The following ZNF536 variants were observed in gnomAD, a reference collection of about 807,000 sequenced individuals.
ZNF536 encodes zinc finger protein 536.
Under a neutral mutation model 84.5 loss-of-function variants are expected in ZNF536, and 13 were observed. The ratio of observed to expected loss-of-function variants is 0.15; its 90% confidence interval spans 0.10 to 0.24. The LOEUF (loss-of-function observed/expected upper bound fraction) is 0.24. ZNF536 is among the 10% of genes least tolerant of loss of function. ZNF536 has a pLI of 1.00. For missense variants in ZNF536, 1,536 were observed against 1,747.5 expected (o/e 0.88, Z 2.16); for synonymous variants, 811 against 742.5 (o/e 1.09, Z -1.50).
chr19:30,498,766 C>T (rs1700629472), intron 2 of ZNF536, among the ~76,000 whole-genome samples: 1 of 152,058 alleles, frequency 6.6e-6, no homozygotes, highest in African/African-American at 2.4e-5. Context: ...GAGGTGACTG[C>T]GTGGGGACCC....
At chr19:30,565,695 C>T (rs937456588) in intron 1 of ZNF536, among the ~76,000 whole-genome samples, 2 of 152,216 alleles carry the variant, frequency 1.3e-5, no homozygotes, top group African/African-American at 4.8e-5. Flanking sequence ...CCCCCTCCCA[C>T]ATCCCCACCT....
chr19:30,518,772 G>A (rs767799959), intron 2 of ZNF536, among the ~76,000 whole-genome samples: 9 of 152,154 alleles, frequency 5.9e-5, no homozygotes, highest in African/African-American at 9.7e-5. Flanking sequence ...GGGTGCCACC[G>A]TAAACCAGAC....
intron 2 of ZNF536, among the ~76,000 whole-genome samples, chr19:30,320,105 T>A (rs1367528962): frequency 6.6e-6 from 1 of 152,212 alleles, no homozygotes; most frequent in African/African-American, 2.4e-5. Context: ...CATCTGTTCC[T>A]CTCTAAACAT....
chr19:30,606,529 G>A (rs963386412), intron 1 of ZNF536, among the ~76,000 whole-genome samples: 6 of 152,126 alleles, frequency 3.9e-5, no homozygotes, highest in African/African-American at 1.2e-4. Flanking sequence ...AGTAAGCAGG[G>A]CATGTTTATT....
At chr19:30,700,244 C>T (rs867874744) in intron 1 of ZNF536, among the ~76,000 whole-genome samples, 1,380 of 113,320 alleles carry the variant, frequency 0.012, 22 homozygotes, top group African/African-American at 0.034. Context: ...TTCTTTCTCT[C>T]TCTCTCTCTC....
intron 1 of ZNF536, among the ~76,000 whole-genome samples, chr19:30,704,707 C>CCTT (rs1326043769): frequency 6.6e-6 from 1 of 151,366 alleles, no homozygotes; most frequent in Non-Finnish European, 1.5e-5. Context: ...TGAGGGGCTG[C>CCTT]CTTGTCACCT....
At chr19:30,424,076 C>G (rs1437906038) in intron 1 of ZNF536, among the ~76,000 whole-genome samples, 1 of 152,218 alleles carries the variant, frequency 6.6e-6, no homozygotes, top group Non-Finnish European at 1.5e-5. Context: ...CACTCTGAAG[C>G]TCAGCTGATG....
intron 1 of ZNF536, among the ~76,000 whole-genome samples, chr19:30,414,377 A>G (rs1366192928): frequency 1.3e-5 from 2 of 152,074 alleles, no homozygotes; most frequent in Non-Finnish European, 2.9e-5. Context: ...AAGTTTACTA[A>G]TATGTTTAGT....
chr19:30,369,542 GT>G (rs66991839), upstream of ZNF536, among the ~76,000 whole-genome samples: 119,109 of 152,136 alleles, frequency 0.78, 46,829 homozygotes, highest in Admixed American at 0.82. Flanking sequence ...CCGGGGTGTG[GT>G]TTTTGACTGG....
At chr19:30,404,933 TG>T (rs968622684) in intron 1 of ZNF536, among the ~76,000 whole-genome samples, 3 of 152,220 alleles carry the variant, frequency 2.0e-5, no homozygotes, top group Non-Finnish European at 2.9e-5. Context: ...ACCCCCTCTT[TG>T]GGTCCTATTA....
At chr19:30,576,525 C>G (rs1016122309) in intron 1 of ZNF536, among the ~76,000 whole-genome samples, 6 of 152,196 alleles carry the variant, frequency 3.9e-5, no homozygotes, top group African/African-American at 1.2e-4. Flanking sequence ...GGGGAATTGA[C>G]AGCTGTCCAG....
intron 1 of ZNF536, among the ~76,000 whole-genome samples, chr19:30,384,664 C>T (rs2049265717): frequency 6.6e-6 from 1 of 151,960 alleles, no homozygotes; most frequent in African/African-American, 2.4e-5. Flanking sequence ...AAAGGTCATC[C>T]ACTTCTTGCA....
chr19:30,456,655 C>T (rs868354517), intron 2 of ZNF536, among the ~76,000 whole-genome samples: 1 of 152,184 alleles, frequency 6.6e-6, no homozygotes, highest in African/African-American at 2.4e-5. Context: ...TTTGTTTGTT[C>T]AATCATTAAT....
intron 2 of ZNF536, among the ~76,000 whole-genome samples, chr19:30,337,586 C>T (rs142874410): frequency 2.8e-4 from 42 of 152,292 alleles, no homozygotes; most frequent in African/African-American, 9.9e-4. Context: ...CTGATACTAG[C>T]TGATGAGACA....
intron 1 of ZNF536, among the ~76,000 whole-genome samples, chr19:30,424,858 G>A (rs150901014): frequency 1.3e-3 from 201 of 152,272 alleles, no homozygotes; most frequent in African/African-American, 4.5e-3. Flanking sequence ...GACCATGGTG[G>A]AGTGCCCATT....
chr19:30,538,978 C>T (rs185256148), intron 3 of ZNF536, among the ~76,000 whole-genome samples: 90 of 151,620 alleles, frequency 5.9e-4, no homozygotes, highest in Non-Finnish European at 1.0e-3. Context: ...GAGGCCGAGG[C>T]GGGAGGATTG....
At chr19:30,429,582 C>G (rs768399231) in intron 1 of ZNF536, among the ~76,000 whole-genome samples, 1 of 152,154 alleles carries the variant, frequency 6.6e-6, no homozygotes, top group Non-Finnish European at 1.5e-5. Context: ...AAAAAAACTC[C>G]CAGTCACCTG....
chr19:30,643,105 C>T (rs2049325425), intron 1 of ZNF536, among the ~76,000 whole-genome samples: 1 of 152,132 alleles, frequency 6.6e-6, no homozygotes, highest in Non-Finnish European at 1.5e-5. Context: ...AATATTTCAC[C>T]AGGTAGCATC....
At chr19:30,303,613 G>C (rs529471707) in intron 2 of ZNF536, among the ~76,000 whole-genome samples, 1 of 151,554 alleles carries the variant, frequency 6.6e-6, no homozygotes, top group East Asian at 1.9e-4. Flanking sequence ...AGGGATTCTC[G>C]TGCCTCAGCC....
Sources: allele counts gnomAD v4.1 joint callset (sites outside exome capture counted in the v4.1 genomes callset), GRCh38; gene constraint gnomAD v4.1.1; transcripts MANE v1.5; gene names NCBI Gene and HGNC (gene_info 2026-07-23, HGNC 2026-07-21).